Variants in DLC1 observed in about 807,000 individuals in gnomAD.
The protein encoded by DLC1 is DLC1 Rho GTPase activating protein, also known as rho GTPase-activating protein 7.
DLC1 carries 54 observed loss-of-function variants against 140.3 expected under a neutral mutation model. The ratio of observed to expected loss-of-function variants is 0.38; its 90% CI spans 0.31 to 0.48. The LOEUF (loss-of-function observed/expected upper bound fraction) is 0.48. DLC1 is among the 20% of genes least tolerant of loss of function. The probability of loss-of-function intolerance (pLI) is 0.96; values close to 1 mark genes in which losing one functional copy is unlikely to be tolerated. For missense variants in DLC1, 2,536 were observed against 1,907.0 expected, an observed-to-expected ratio of 1.33 and a Z score of -6.14; for synonymous variants, 986 against 728.1, an observed-to-expected ratio of 1.35 and a Z score of -5.70.
intron 2 of DLC1, among the ~76,000 whole-genome samples, chr8:13,447,203 A>G (rs905407311): frequency 2.6e-5 from 4 of 152,168 alleles, no homozygotes; most frequent in Non-Finnish European, 5.9e-5. Flanking sequence ...TAATTTTTCT[A>G]TGGTTACAAA....
At chr8:13,521,643 T>G (rs1802770305) in intron 1 of DLC1, among the ~76,000 whole-genome samples, 1 of 152,280 alleles carries the variant, frequency 6.6e-6, no homozygotes, top group African/African-American at 2.4e-5. Flanking sequence ...AACTAGTTCC[T>G]CATCCCATAC....
At position 13,315,687 on chromosome 8, in the gene DLC1, C is replaced by T. The variant is rs185077342; in HGVS notation, c.1315-10385G>A. Among the ~76,000 whole-genome samples, 484 of 152,236 alleles carry T rather than the reference C, an allele frequency of 3.2e-3. 3 individuals are homozygous for T. Among genetic ancestry groups the T allele is most frequent in the Admixed American group, 0.016 (237 of 15,290 alleles). On this transcript the variant is annotated intron_variant, in intron 4 of 17. Transcript: ENST00000276297. The stretch of plus-strand genomic sequence containing the variant: ...TCCCCGTATTTTGTTTGTTAATTTC[C>T]ATTTGCTGCCCATCCCCCTCACCCA...
Position 13,095,132 on chromosome 8 carries a change from C to G in DLC1, c.3281G>C (p.Ser1094Thr), listed in dbSNP as rs745628579. 1.2e-6 allele frequency: 2 copies of G among 1,614,270 alleles called. No homozygotes were observed. The highest frequency in any genetic ancestry group is 1.7e-5 in the Admixed American group (1 of 60,032). Residue 1094 changes from serine to threonine, a missense_variant, in exon 11 of 18, where the codon AGC becomes ACC. Ser to Thr is a moderately conservative substitution (Grantham distance 58, BLOSUM62 1). Transcript: ENST00000276297. ...GAGGTATCGCATGGCCTGCTGGATG[C>G]TCTGAGGCAACGGTTGTCCTGTGCG... ...VQRTGQPLPQSIQQAMRYLRN... is the reference protein window; with the variant it reads ...VQRTGQPLPQTIQQAMRYLRN...
chr8:13,097,189 A>G (rs1270325259), intron 10 of DLC1, among the ~76,000 whole-genome samples: 1 of 152,104 alleles, frequency 6.6e-6, no homozygotes, highest in Non-Finnish European at 1.5e-5. Context: ...AGTCTTTGCT[A>G]GAAAAAAAGT....
At chr8:13,087,413 ACAAC>A (rs945975999) in intron 16 of DLC1, among the ~76,000 whole-genome samples, 2 of 152,330 alleles carry the variant, frequency 1.3e-5, no homozygotes, top group Non-Finnish European at 1.5e-5. Context: ...AATCAATCAA[ACAAC>A]CAACCAACTA....
intron 5 of DLC1, among the ~76,000 whole-genome samples, chr8:13,206,553 T>A (rs1343341103): frequency 6.6e-6 from 1 of 152,250 alleles, no homozygotes; most frequent in African/African-American, 2.4e-5. Context: ...TTAACAAATA[T>A]AATATTTCAT....
At chr8:13,103,702 G>T (rs1819299224) in intron 7 of DLC1, among the ~76,000 whole-genome samples, 1 of 151,962 alleles carries the variant, frequency 6.6e-6, no homozygotes, top group Admixed American at 6.6e-5. Flanking sequence ...AGCTGGGCAT[G>T]GTCGTGGGTG....
At chr8:13,221,175 A>T (rs1828529722) in intron 5 of DLC1, among the ~76,000 whole-genome samples, 1 of 152,072 alleles carries the variant, frequency 6.6e-6, no homozygotes, top group South Asian at 2.1e-4. Context: ...AACAAAACAA[A>T]TGCTGGGTGT....
At chr8:13,186,963 C>T (rs965209408) in intron 5 of DLC1, among the ~76,000 whole-genome samples, 1 of 152,148 alleles carries the variant, frequency 6.6e-6, no homozygotes, top group South Asian at 2.1e-4. Context: ...ACCCTGTTTG[C>T]CTGGGTATCA....
intron 5 of DLC1, among the ~76,000 whole-genome samples, chr8:13,153,121 C>A (rs1036632149): frequency 2.0e-5 from 3 of 152,176 alleles, no homozygotes; most frequent in South Asian, 4.2e-4. Flanking sequence ...AACGAAGCCG[C>A]GGACCCGCGC....
intron 3 of DLC1, among the ~76,000 whole-genome samples, chr8:13,396,698 C>T (rs1318152884): frequency 6.6e-6 from 1 of 152,168 alleles, no homozygotes; most frequent in Non-Finnish European, 1.5e-5. Flanking sequence ...TGATATTCTG[C>T]AGAGGCCTCA....
chr8:13,112,652 G>C (rs988902175), intron 6 of DLC1, among the ~76,000 whole-genome samples: 1 of 152,216 alleles, frequency 6.6e-6, no homozygotes, highest in African/African-American at 2.4e-5. Context: ...GTAAATGAGG[G>C]AAGACAGGTT....
chr8:13,268,768 C>T (rs1830793364), intron 5 of DLC1, among the ~76,000 whole-genome samples: 1 of 151,866 alleles, frequency 6.6e-6, no homozygotes, highest in Non-Finnish European at 1.5e-5. Context: ...ATACTCTTGG[C>T]TCCATGAGGG....
At chr8:13,576,104 T>A (rs1298181910) in intron 1 of DLC1, among the ~76,000 whole-genome samples, 1 of 152,206 alleles carries the variant, frequency 6.6e-6, no homozygotes, top group Non-Finnish European at 1.5e-5. Flanking sequence ...GGCCCTTAGA[T>A]CACACTCTTT....
chr8:13,563,150 T>G (rs948097541), intron 1 of DLC1, among the ~76,000 whole-genome samples: 4 of 152,200 alleles, frequency 2.6e-5, no homozygotes, highest in Non-Finnish European at 5.9e-5. Context: ...ACTTCGGAAG[T>G]GTTAGGAAGT....
At chr8:13,357,376 C>G (rs1343957545) in intron 4 of DLC1, among the ~76,000 whole-genome samples, 1 of 152,188 alleles carries the variant, frequency 6.6e-6, no homozygotes, top group Non-Finnish European at 1.5e-5. Context: ...TTTTATATGT[C>G]TTTGGACAAA....
chr8:13,188,828 TATATATATATATATA>T (rs1826562128), intron 5 of DLC1, among the ~76,000 whole-genome samples: 1 of 29,340 alleles, frequency 3.4e-5, no homozygotes, highest in African/African-American at 1.1e-4. Context: ...TATATATATG[TATATATATATATATA>T]TTTTTTTTTT....
chr8:13,229,481 G>T (rs547844915), intron 5 of DLC1, among the ~76,000 whole-genome samples: 1 of 152,186 alleles, frequency 6.6e-6, no homozygotes, highest in South Asian at 2.1e-4. Context: ...TGGGTATATG[G>T]TTTCTTTTTA....
Position 13,115,615 on chromosome 8 carries a change from C to G in DLC1, c.1391G>C (p.Gly464Ala), listed in dbSNP as rs1452668109. Reference sequence around the variant, plus strand: ...ATAAAGCTGTGCATACTGGGGGAAACCAGTTGCCCGTAGCCAATCACAAGC... The same window carrying G: ...ATAAAGCTGTGCATACTGGGGGAAAGCAGTTGCCCGTAGCCAATCACAAGC... ...KEACDWLRAT[G>A]FPQYAQLYED... The change falls in exon 6 of 18, where the codon GGT becomes GCT. Residue 464 changes from glycine to alanine, a missense_variant. Gly to Ala is a moderately conservative substitution (Grantham distance 60). Transcript: ENST00000276297. 10 of 1,614,016 alleles carry G rather than the reference C, an allele frequency of 6.2e-6. No individual in the cohort carries two copies. The highest frequency in any genetic ancestry group is 6.8e-6 in the Non-Finnish European group (8 of 1,179,974).
Sources: allele counts gnomAD v4.1 joint callset (sites outside exome capture counted in the v4.1 genomes callset), GRCh38; gene constraint gnomAD v4.1.1; transcripts MANE v1.5; gene names NCBI Gene and HGNC (gene_info 2026-07-23, HGNC 2026-07-21).